The following KCNT2 variants were observed in gnomAD, a reference collection of about 807,000 sequenced individuals.
KCNT2 encodes the protein potassium sodium-activated channel subfamily T member 2.
In KCNT2, 67 loss-of-function variants were observed where a neutral mutation model predicts 153.8. The observed-to-expected ratio is 0.44, with a 90% confidence interval of 0.36 to 0.53. KCNT2 has a LOEUF of 0.53. Among genes scored for constraint, KCNT2 ranks in the 20% least tolerant of loss-of-function variants. KCNT2 has a pLI of 0.00. For synonymous variants in KCNT2, 500 were observed against 458.8 expected, an observed-to-expected ratio of 1.09 and a Z score of -1.15; for missense variants, 975 against 1,354.8, an observed-to-expected ratio of 0.72 and a Z score of 4.40.
At chr1:196,384,489 C>A (rs374752289) in intron 13 of KCNT2, among the ~76,000 whole-genome samples, 8 of 152,034 alleles carry the variant, frequency 5.3e-5, no homozygotes, top group African/African-American at 1.9e-4. Context: ...GTCAGGAGTT[C>A]GAAACCAGCT....
intron 8 of KCNT2, among the ~76,000 whole-genome samples, chr1:196,459,531 C>A (rs1676969865): frequency 6.6e-6 from 1 of 151,790 alleles, no homozygotes; most frequent in Admixed American, 6.6e-5. Flanking sequence ...ATGCTCCATG[C>A]AGTTGCTAGT....
At chr1:196,596,682 T>G (rs1403586379) in intron 1 of KCNT2, among the ~76,000 whole-genome samples, 2 of 152,122 alleles carry the variant, frequency 1.3e-5, no homozygotes, top group African/African-American at 2.4e-5. Flanking sequence ...ATAACCAAAT[T>G]CAGGATTCTT....
intron 8 of KCNT2, among the ~76,000 whole-genome samples, chr1:196,435,562 T>C (rs1421387180): frequency 6.6e-6 from 1 of 151,682 alleles, no homozygotes; most frequent in Non-Finnish European, 1.5e-5. Flanking sequence ...GAAATGTCTA[T>C]GTCAATAACG....
At chr1:196,416,702 A>T (rs1672782782) in intron 12 of KCNT2, among the ~76,000 whole-genome samples, 1 of 152,096 alleles carries the variant, frequency 6.6e-6, no homozygotes, top group Non-Finnish European at 1.5e-5. Context: ...TTTAATCAGA[A>T]GTTTAGATGA....
intron 8 of KCNT2, among the ~76,000 whole-genome samples, chr1:196,461,000 T>C (rs186975953): frequency 6.6e-6 from 1 of 151,756 alleles, no homozygotes; most frequent in East Asian, 1.9e-4. Flanking sequence ...GCACTTTCAG[T>C]AATTCATTTA....
intron 1 of KCNT2, among the ~76,000 whole-genome samples, chr1:196,502,653 CT>C (rs1266577252): frequency 1.3e-5 from 2 of 152,120 alleles, no homozygotes; most frequent in African/African-American, 4.8e-5. Context: ...TGGAAATAGT[CT>C]TGTGGTTTCC....
intron 1 of KCNT2, among the ~76,000 whole-genome samples, chr1:196,595,335 C>A (rs555787394): frequency 6.6e-6 from 1 of 151,896 alleles, no homozygotes; most frequent in Non-Finnish European, 1.5e-5. Context: ...TGGTGATAGA[C>A]AAATTAAAAA....
chr1:196,435,900 T>C (rs982362552), intron 8 of KCNT2, among the ~76,000 whole-genome samples: 3 of 151,702 alleles, frequency 2.0e-5, no homozygotes, highest in African/African-American at 7.2e-5. Flanking sequence ...GTTGAAATTG[T>C]TTAGAGGGGA....
chr1:196,398,783 T>C (rs961745323), intron 12 of KCNT2, 112 bp from the exon 13 acceptor site: 10 of 552,704 alleles, frequency 1.8e-5, no homozygotes, highest in Non-Finnish European at 2.9e-5. Context: ...AACTTAAACA[T>C]AAAAATTACT....
intron 17 of KCNT2, among the ~76,000 whole-genome samples, 191 bp downstream of exon 17, chr1:196,333,656 T>C (rs939093869): frequency 9.9e-5 from 15 of 152,242 alleles, no homozygotes; most frequent in African/African-American, 3.1e-4. Flanking sequence ...TGAGGGCTTA[T>C]AATGCTCTGC....
chr1:196,232,045 A>C (rs1014267564), intron 27 of KCNT2, among the ~76,000 whole-genome samples: 1 of 151,832 alleles, frequency 6.6e-6, no homozygotes, highest in African/African-American at 2.4e-5. Flanking sequence ...GGAAAAATTC[A>C]CAAAATATAC....
chr1:196,595,674 G>C (rs1318763853), intron 1 of KCNT2, among the ~76,000 whole-genome samples: 3 of 151,906 alleles, frequency 2.0e-5, no homozygotes, highest in African/African-American at 7.3e-5. Flanking sequence ...TTTATTTTTT[G>C]TAGTAGGCTT....
In KCNT2 at chr1:196,329,659, T is replaced by A. The variant is rs73065829; in HGVS notation, c.2103+1497A>T. On this transcript the variant is annotated intron_variant, in intron 18 of 27. Transcript: ENST00000294725. Reference sequence around the variant, plus strand: ...TAAATAATATTAGTCTTAAAAGGAGTCAATGTGGGGGAAGGGCCTTGAAAT... The same window carrying A: ...TAAATAATATTAGTCTTAAAAGGAGACAATGTGGGGGAAGGGCCTTGAAAT... 7.7e-3 allele frequency among the ~76,000 whole-genome samples: 1,156 copies of A among 149,744 alleles called. 17 individuals are homozygous for A. Among genetic ancestry groups the A allele is most frequent in the African/African-American group, 0.027 (1,103 of 40,860 alleles).
chr1:196,242,084 C>T (rs1405056166), intron 26 of KCNT2, among the ~76,000 whole-genome samples: 5 of 152,084 alleles, frequency 3.3e-5, no homozygotes, highest in Non-Finnish European at 7.4e-5. Flanking sequence ...ATCTTCAAGG[C>T]TACTGGGTGC....
At chr1:196,429,804 C>A in intron 8 of KCNT2, 47 bp from the exon 9 acceptor site, 1 of 1,281,416 alleles carries the variant, frequency 7.8e-7, no homozygotes, top group Non-Finnish European at 1.1e-6. Flanking sequence ...AAACTGGACA[C>A]ATAATTTCTC....
chr1:196,262,227 C>T (rs1657094317), intron 25 of KCNT2, among the ~76,000 whole-genome samples: 1 of 151,924 alleles, frequency 6.6e-6, no homozygotes. Flanking sequence ...TCAATTCAAC[C>T]TCTTCTTGAT....
At chr1:196,329,326 T>C (rs867786395) in intron 18 of KCNT2, among the ~76,000 whole-genome samples, 7 of 152,252 alleles carry the variant, frequency 4.6e-5, no homozygotes, top group Admixed American at 2.6e-4. Flanking sequence ...CAGGTATCAC[T>C]AGACAATCAG....
At chr1:196,418,095 G>T (rs956690345) in intron 12 of KCNT2, among the ~76,000 whole-genome samples, 4 of 151,922 alleles carry the variant, frequency 2.6e-5, no homozygotes, top group Admixed American at 1.3e-4. Flanking sequence ...TCTGTTTTCC[G>T]TTCTAATTGT....
At chr1:196,350,495 T>C (rs1204659339) in intron 14 of KCNT2, among the ~76,000 whole-genome samples, 2 of 152,206 alleles carry the variant, frequency 1.3e-5, no homozygotes, top group African/African-American at 4.8e-5. Context: ...TTTGGCTGCA[T>C]AAATGTCTTC....
Sources: allele counts gnomAD v4.1 joint callset (sites outside exome capture counted in the v4.1 genomes callset), GRCh38; gene constraint gnomAD v4.1.1; transcripts MANE v1.5; gene names NCBI Gene and HGNC (gene_info 2026-07-23, HGNC 2026-07-21).